Variants in DENND1A observed in about 807,000 individuals in gnomAD.
DENND1A encodes DENN domain-containing protein 1A.
In DENND1A, 51 loss-of-function variants were observed where a neutral mutation model predicts 113.7. The ratio of observed to expected loss-of-function variants is 0.45; its 90% CI spans 0.36 to 0.57. The LOEUF is 0.57. Among genes scored for constraint, DENND1A ranks in the 20% least tolerant of loss-of-function variants. The pLI, the probability that DENND1A is intolerant of heterozygous loss-of-function variation, is 0.00. For missense variants in DENND1A, 1,258 were observed against 1,395.9 expected, an observed-to-expected ratio of 0.90 and a Z score of 1.57; for synonymous variants, 565 against 570.8, an observed-to-expected ratio of 0.99 and a Z score of 0.14.
chr9:123,564,203 AAATACCCTTTT>A (rs1336481022), intron 12 of DENND1A, among the ~76,000 whole-genome samples: 1 of 152,222 alleles, frequency 6.6e-6, no homozygotes, highest in African/African-American at 2.4e-5. Flanking sequence ...AGGAGAATGA[AAATACCCTTTT>A]AATACACATT....
intron 20 of DENND1A, among the ~76,000 whole-genome samples, chr9:123,404,329 C>T: frequency 6.6e-6 from 1 of 152,314 alleles, no homozygotes; most frequent in East Asian, 1.9e-4. Context: ...TTGGTCCAGT[C>T]GACATTACAT....
chr9:123,453,763 A>G (rs1310570433), intron 16 of DENND1A, among the ~76,000 whole-genome samples: 1 of 152,216 alleles, frequency 6.6e-6, no homozygotes, highest in Non-Finnish European at 1.5e-5. Context: ...AATTAAAAAC[A>G]TTACAATTTG....
chr9:123,441,265 A>G (rs1056425831), intron 18 of DENND1A, among the ~76,000 whole-genome samples: 1 of 152,182 alleles, frequency 6.6e-6, no homozygotes, highest in Non-Finnish European at 1.5e-5. Flanking sequence ...GAAAAATTTG[A>G]CTTGTTGCTT....
chr9:123,835,531 C>G (rs1840922871), intron 2 of DENND1A, among the ~76,000 whole-genome samples: 1 of 151,992 alleles, frequency 6.6e-6, no homozygotes, highest in Admixed American at 6.6e-5. Context: ...ACTATCCAAT[C>G]ATAATAATAC....
intron 21 of DENND1A, among the ~76,000 whole-genome samples, chr9:123,397,246 C>T (rs147114513): frequency 0.022 from 3,288 of 152,246 alleles, 108 homozygotes; most frequent in African/African-American, 0.075. Context: ...ACTCTGCCTC[C>T]TGGGTTCAAA....
chr9:123,705,941 A>T (rs1013570421), intron 5 of DENND1A, among the ~76,000 whole-genome samples: 21 of 152,154 alleles, frequency 1.4e-4, no homozygotes, highest in African/African-American at 5.1e-4. Flanking sequence ...CATCCTTGGG[A>T]GAACTGAGAA....
At chr9:123,448,276 C>G (rs371003952) in intron 18 of DENND1A, among the ~76,000 whole-genome samples, 2 of 152,106 alleles carry the variant, frequency 1.3e-5, no homozygotes, top group East Asian at 3.8e-4. Flanking sequence ...TTTGAACAAC[C>G]ACATTAAAAA....
intron 2 of DENND1A, among the ~76,000 whole-genome samples, chr9:123,870,590 C>T (rs867924716): frequency 2.6e-5 from 4 of 152,138 alleles, no homozygotes; most frequent in South Asian, 2.1e-4. Context: ...GTGCATGCCA[C>T]CACACCCAGC....
At chr9:123,657,758 T>C (rs1211230865) in intron 8 of DENND1A, among the ~76,000 whole-genome samples, 1 of 150,258 alleles carries the variant, frequency 6.7e-6, no homozygotes, top group Non-Finnish European at 1.5e-5. Flanking sequence ...AACCCTCAAC[T>C]GATTTTTTTT....
At chr9:123,392,303 T>G (rs529224231) in intron 21 of DENND1A, among the ~76,000 whole-genome samples, 9 of 152,314 alleles carry the variant, frequency 5.9e-5, no homozygotes, top group Admixed American at 1.3e-4. Flanking sequence ...AATGAAATGC[T>G]GACAAATGTA....
At chr9:123,667,891 C>T (rs573275522) in intron 7 of DENND1A, among the ~76,000 whole-genome samples, 18 of 152,162 alleles carry the variant, frequency 1.2e-4, no homozygotes, top group African/African-American at 4.1e-4. Context: ...GAGACCATTG[C>T]CGATGACTAA....
In DENND1A at chr9:123,574,722, C is replaced by T. The variant is rs73578198; in HGVS notation, c.867+8447G>A. ...CCTCATCCCTCTTTTCCACTTATCA[C>T]TAGAGAGAGAAACTAAAAGCTATGG... On this transcript the variant is annotated intron_variant, in intron 12 of 23. Transcript: ENST00000394215. 4.8e-3 allele frequency among the ~76,000 whole-genome samples: 738 copies of T among 152,262 alleles called. 6 individuals carry two copies. Among genetic ancestry groups the T allele is most frequent in the African/African-American group, 0.017 (698 of 41,562 alleles).
chr9:123,566,558 C>T (rs2058062201), intron 12 of DENND1A, among the ~76,000 whole-genome samples: 2 of 152,196 alleles, frequency 1.3e-5, no homozygotes, highest in African/African-American at 4.8e-5. Flanking sequence ...TGAATGGCTA[C>T]TTCGTTATGT....
At chr9:123,712,344 T>C (rs752709505) in intron 5 of DENND1A, among the ~76,000 whole-genome samples, 2 of 152,206 alleles carry the variant, frequency 1.3e-5, no homozygotes, top group African/African-American at 2.4e-5. Context: ...CATATTTACA[T>C]ATTCATTAAA....
intron 13 of DENND1A, among the ~76,000 whole-genome samples, chr9:123,552,505 C>A (rs1013713677): frequency 2.6e-5 from 4 of 152,220 alleles, no homozygotes; most frequent in Admixed American, 2.0e-4. Flanking sequence ...ACTGTGACTG[C>A]AGTAACCTGA....
chr9:123,845,314 C>T (rs12335433), intron 2 of DENND1A, among the ~76,000 whole-genome samples: 101 of 152,126 alleles, frequency 6.6e-4, no homozygotes, highest in African/African-American at 2.2e-3. Flanking sequence ...TGACTATCTA[C>T]GTTTGAAAGA....
At chr9:123,548,995 G>T (rs1206421403) in intron 13 of DENND1A, among the ~76,000 whole-genome samples, 1 of 152,222 alleles carries the variant, frequency 6.6e-6, no homozygotes, top group Non-Finnish European at 1.5e-5. Flanking sequence ...AGTAGTGATG[G>T]TTGCACATTG....
intron 3 of DENND1A, among the ~76,000 whole-genome samples, chr9:123,779,737 C>T (rs1830979652): frequency 6.6e-6 from 1 of 152,022 alleles, no homozygotes; most frequent in African/African-American, 2.4e-5. Flanking sequence ...TGAACTCAAG[C>T]GATTCACCCA....
intron 5 of DENND1A, among the ~76,000 whole-genome samples, chr9:123,735,547 C>T (rs1312033353): frequency 6.6e-6 from 1 of 152,092 alleles, no homozygotes; most frequent in Non-Finnish European, 1.5e-5. Flanking sequence ...TCAGGTCGTC[C>T]GTGACACATA....
Sources: allele counts gnomAD v4.1 joint callset (sites outside exome capture counted in the v4.1 genomes callset), GRCh38; gene constraint gnomAD v4.1.1; transcripts MANE v1.5; gene names NCBI Gene and HGNC (gene_info 2026-07-23, HGNC 2026-07-21).